Variants in CDKAL1 observed in about 807,000 individuals in gnomAD.
CDKAL1 encodes CDKAL1 threonylcarbamoyladenosine tRNA methylthiotransferase.
CDKAL1 carries 32 observed loss-of-function variants against 68.2 expected under a neutral mutation model. The ratio of observed to expected loss-of-function variants is 0.47; its 90% CI spans 0.35 to 0.63. The LOEUF (loss-of-function observed/expected upper bound fraction) is 0.63, where lower values mean the gene tolerates loss of function less well. Among genes scored for constraint, CDKAL1 ranks in the 30% least tolerant of loss-of-function variants. CDKAL1 has a pLI of 0.00. For missense variants in CDKAL1, 606 were observed against 696.7 expected (o/e 0.87, Z 1.47); for synonymous variants, 234 against 244.3 (o/e 0.96, Z 0.39).
intron 4 of CDKAL1, among the ~76,000 whole-genome samples, chr6:20,573,995 A>T (rs1357416502): frequency 1.3e-5 from 2 of 152,160 alleles, no homozygotes; most frequent in Non-Finnish European, 2.9e-5. Flanking sequence ...TACTGGTTCA[A>T]ATTTGCAACA....
At chr6:20,941,657 G>A (rs1181442153) in intron 9 of CDKAL1, among the ~76,000 whole-genome samples, 1 of 152,168 alleles carries the variant, frequency 6.6e-6, no homozygotes. Flanking sequence ...GTGAACGATG[G>A]TGATAAGCCA....
chr6:21,214,170 C>T (rs540416326), intron 15 of CDKAL1, among the ~76,000 whole-genome samples: 142 of 152,112 alleles, frequency 9.3e-4, no homozygotes, highest in African/African-American at 3.3e-3. Context: ...AGGAGCTGGG[C>T]GTGGAGATGG....
At chr6:20,631,055 AG>A (rs1767652418) in intron 4 of CDKAL1, among the ~76,000 whole-genome samples, 1 of 152,236 alleles carries the variant, frequency 6.6e-6, no homozygotes, top group African/African-American at 2.4e-5. Context: ...CTGAGTCATA[AG>A]GCAGATAAAA....
chr6:20,709,637 G>A (rs1257188060), intron 5 of CDKAL1, among the ~76,000 whole-genome samples: 3 of 152,124 alleles, frequency 2.0e-5, no homozygotes, highest in South Asian at 4.1e-4. Flanking sequence ...CAATAAGGAC[G>A]TGGATTATGT....
intron 9 of CDKAL1, among the ~76,000 whole-genome samples, chr6:20,868,477 G>C (rs1012170355): frequency 3.3e-5 from 5 of 152,230 alleles, no homozygotes; most frequent in African/African-American, 1.2e-4. Flanking sequence ...ATTTCAGTAT[G>C]TCCTTGATAC....
At chr6:21,036,465 C>T (rs150332352) in intron 11 of CDKAL1, among the ~76,000 whole-genome samples, 1 of 152,000 alleles carries the variant, frequency 6.6e-6, no homozygotes, top group Admixed American at 6.6e-5. Flanking sequence ...TTTGTAGAAG[C>T]GATGGAAGTT....
At chr6:20,799,610 G>T (rs1776283276) in intron 8 of CDKAL1, 1 of 152,068 alleles carries the variant, frequency 6.6e-6, no homozygotes, top group Non-Finnish European at 1.5e-5. Context: ...TTTTGTTTTG[G>T]CAATTCCTGC....
chr6:21,144,468 ACTGAATCAC>A (rs560536296), intron 13 of CDKAL1, among the ~76,000 whole-genome samples: 1 of 152,170 alleles, frequency 6.6e-6, no homozygotes, highest in South Asian at 2.1e-4. Flanking sequence ...GACATTTTAT[ACTGAATCAC>A]CTGTTGGTCC....
Position 20,690,828 on chromosome 6 carries a change from C to T in CDKAL1, c.371+41451C>T, listed in dbSNP as rs936472109. The stretch of plus-strand genomic sequence containing the variant: ...GAATATAACTTTCAGATCTTGAGAG[C>T]GGATTTTACAGATGTCATGTGAGTT... On this transcript the variant is annotated intron_variant, in intron 5 of 15. Transcript: ENST00000274695. 7.9e-5 allele frequency among the ~76,000 whole-genome samples: 12 copies of T among 152,100 alleles called. No individual in the cohort carries two copies. In the South Asian group the frequency reaches 1.7e-3, roughly 21 times the overall value.
At chr6:20,807,787 G>A (rs1335568943) in intron 8 of CDKAL1, among the ~76,000 whole-genome samples, 2 of 152,188 alleles carry the variant, frequency 1.3e-5, no homozygotes, top group African/African-American at 4.8e-5. Context: ...GAAGAAGCAA[G>A]CTCTTTATTG....
chr6:20,684,725 A>C (rs1008658431), intron 5 of CDKAL1, among the ~76,000 whole-genome samples: 1 of 152,198 alleles, frequency 6.6e-6, no homozygotes, highest in African/African-American at 2.4e-5. Flanking sequence ...AGAGGTTCGT[A>C]GTGGTATCTC....
At chr6:20,721,917 G>A (rs1048028282) in intron 5 of CDKAL1, among the ~76,000 whole-genome samples, 2 of 151,818 alleles carry the variant, frequency 1.3e-5, no homozygotes, top group African/African-American at 4.8e-5. Context: ...ATTTTTAGTA[G>A]AGATGGGATT....
At chr6:20,736,536 C>T (rs1367066755) in intron 5 of CDKAL1, among the ~76,000 whole-genome samples, 1 of 151,998 alleles carries the variant, frequency 6.6e-6, no homozygotes, top group Non-Finnish European at 1.5e-5. Flanking sequence ...TTTGGGAGGC[C>T]GAGGCAGGCA....
At chr6:20,925,334 A>G (rs1170720518) in intron 9 of CDKAL1, among the ~76,000 whole-genome samples, 3 of 152,230 alleles carry the variant, frequency 2.0e-5, no homozygotes, top group Non-Finnish European at 4.4e-5. Flanking sequence ...TGGGAAACCA[A>G]ACAATTTGTG....
At chr6:20,562,931 C>T (rs187514734) in intron 4 of CDKAL1, among the ~76,000 whole-genome samples, 1 of 152,224 alleles carries the variant, frequency 6.6e-6, no homozygotes, top group Non-Finnish European at 1.5e-5. Flanking sequence ...TGTTTTTGAT[C>T]ACCTAGTTCC....
At chr6:20,621,873 C>T (rs1373640367) in intron 4 of CDKAL1, among the ~76,000 whole-genome samples, 5 of 151,810 alleles carry the variant, frequency 3.3e-5, no homozygotes, top group Non-Finnish European at 7.4e-5. Flanking sequence ...TCCAAGAAGC[C>T]TTGATTCCTT....
chr6:20,835,406 A>G (rs1777889820), intron 8 of CDKAL1, among the ~76,000 whole-genome samples: 1 of 152,182 alleles, frequency 6.6e-6, no homozygotes, highest in African/African-American at 2.4e-5. Context: ...AGAATTAGGA[A>G]GAGGTAGGTG....
At chr6:20,734,945 C>T (rs1401501772) in intron 5 of CDKAL1, among the ~76,000 whole-genome samples, 1 of 144,918 alleles carries the variant, frequency 6.9e-6, no homozygotes, top group East Asian at 2.1e-4. Flanking sequence ...TCTTGGCTCA[C>T]TGCAACCTCC....
chr6:20,573,007 G>T (rs974448531), intron 4 of CDKAL1, among the ~76,000 whole-genome samples: 1 of 152,086 alleles, frequency 6.6e-6, no homozygotes, highest in African/African-American at 2.4e-5. Flanking sequence ...AACATTCATG[G>T]CAGATGTAGT....
Sources: gnomAD v4.1 joint callset for allele counts (sites outside exome capture counted in the v4.1 genomes callset) on GRCh38, gnomAD v4.1.1 for gene constraint, MANE v1.5 for transcripts, NCBI Gene and HGNC (gene_info 2026-07-23, HGNC 2026-07-21) for gene names.